MAGI2: variants seen among roughly 807,000 people sequenced by gnomAD.
The protein encoded by MAGI2 is membrane-associated guanylate kinase, WW and PDZ domain-containing protein 2.
A neutral mutation model predicts 133.3 loss-of-function variants in MAGI2; 35 were observed. The observed-to-expected ratio is 0.26, with a 90% CI of 0.20 to 0.35. The LOEUF (loss-of-function observed/expected upper bound fraction) is 0.35, where lower values mean the gene tolerates loss of function less well. Among genes scored for constraint, MAGI2 ranks in the 10% least tolerant of loss-of-function variants. The pLI is 1.00. For synonymous variants in MAGI2, 729 were observed against 710.6 expected (o/e 1.03, Z -0.41); for missense variants, 1,636 against 1,863.4 (o/e 0.88, Z 2.25).
chr7:78,059,854 C>A (rs1379490706), intron 21 of MAGI2, among the ~76,000 whole-genome samples: 1 of 151,144 alleles, frequency 6.6e-6, no homozygotes, highest in African/African-American at 2.4e-5. Context: ...TTGGTAGAGA[C>A]CCAGGAGACT....
chr7:79,050,641 C>T (rs1397543737), intron 1 of MAGI2, among the ~76,000 whole-genome samples: 1 of 152,136 alleles, frequency 6.6e-6, no homozygotes, highest in Admixed American at 6.5e-5. Flanking sequence ...CCTCAGCCTC[C>T]CAAAGTTTTG....
chr7:78,604,313 T>A (rs1276705629), intron 3 of MAGI2, among the ~76,000 whole-genome samples: 1 of 152,106 alleles, frequency 6.6e-6, no homozygotes, highest in Non-Finnish European at 1.5e-5. Context: ...AGTATGTTGA[T>A]GGGCAAGGAG....
chr7:78,854,698 T>C (rs2151487113), intron 2 of MAGI2, among the ~76,000 whole-genome samples: 1 of 152,134 alleles, frequency 6.6e-6, no homozygotes, highest in South Asian at 2.1e-4. Context: ...ACATCTGAAA[T>C]TTCCATTTTC....
At chr7:78,787,851 T>A in intron 2 of MAGI2, among the ~76,000 whole-genome samples, 1 of 152,246 alleles carries the variant, frequency 6.6e-6, no homozygotes, top group East Asian at 1.9e-4. Context: ...ATGATTTTGT[T>A]AATTTTTCAT....
chr7:79,330,648 T>A (rs1325501383), intron 1 of MAGI2, among the ~76,000 whole-genome samples: 1 of 151,760 alleles, frequency 6.6e-6, no homozygotes, highest in Non-Finnish European at 1.5e-5. Context: ...TACATTACAC[T>A]CTTTATTTAG....
chr7:78,167,482 T>G (rs1825727492), intron 15 of MAGI2, among the ~76,000 whole-genome samples: 1 of 152,196 alleles, frequency 6.6e-6, no homozygotes, highest in Admixed American at 6.5e-5. Flanking sequence ...ACAGCTTTAT[T>G]GTTACCTTTT....
intron 2 of MAGI2, among the ~76,000 whole-genome samples, chr7:78,769,406 C>T (rs1032398621): frequency 6.6e-6 from 1 of 152,030 alleles, no homozygotes; most frequent in Non-Finnish European, 1.5e-5. Context: ...TGTAATCTAC[C>T]CTTTTAAAAA....
intron 1 of MAGI2, among the ~76,000 whole-genome samples, chr7:79,159,550 A>C (rs13227086): frequency 6.6e-6 from 1 of 151,522 alleles, no homozygotes; most frequent in Non-Finnish European, 1.5e-5. Context: ...AGAAGAAATT[A>C]TAATAGCCTT....
At chr7:78,651,025 C>G (rs1408954131) in intron 2 of MAGI2, among the ~76,000 whole-genome samples, 2 of 152,124 alleles carry the variant, frequency 1.3e-5, no homozygotes, top group East Asian at 3.9e-4. Flanking sequence ...GACATGGTAA[C>G]TTCATCATTT....
chr7:78,861,440 A>C (rs1356119259), intron 2 of MAGI2, among the ~76,000 whole-genome samples: 1 of 152,158 alleles, frequency 6.6e-6, no homozygotes, highest in Admixed American at 6.5e-5. Flanking sequence ...ACCTCTTCTC[A>C]CTTACTCTTC....
chr7:78,229,897 C>T (rs919278816), intron 10 of MAGI2, among the ~76,000 whole-genome samples: 12 of 152,138 alleles, frequency 7.9e-5, no homozygotes, highest in Admixed American at 7.9e-4. Context: ...CCCAGCCATT[C>T]TTGGCCAAGA....
intron 9 of MAGI2, among the ~76,000 whole-genome samples, chr7:78,321,025 A>C (rs542643931): frequency 3.3e-5 from 5 of 152,196 alleles, no homozygotes; most frequent in African/African-American, 9.7e-5. Context: ...CACAATTGCT[A>C]CAAAGAGAAT....
chr7:78,497,750 ATCTATCTATCTATCTT>A lies in MAGI2; in HGVS notation c.965+3811_965+3826del, dbSNP rs1402393375. 2.3e-4 allele frequency among the ~76,000 whole-genome samples: 26 copies of A among 113,510 alleles called. No homozygotes were observed. The East Asian group carries it at 3.9e-3, about 17-fold the overall frequency. 74.5% of individuals were successfully genotyped at this position (113,510 alleles called of 152,430 possible). A position where few individuals can be genotyped will look rare whatever the true frequency, so the allele number is the denominator to read the frequency against. On this transcript the variant is annotated intron_variant, in intron 5 of 21. Coordinates refer to ENST00000354212, the MANE Select transcript of MAGI2 (RefSeq NM_012301.4). The stretch of plus-strand genomic sequence containing the variant: ...TATCTATCTATCTATCTATCTATCT[ATCTATCTATCTATCTT>A]TCTATCTTATACACAGAACCAAAGA...
chr7:79,223,874 G>T (rs1830643923), intron 1 of MAGI2, among the ~76,000 whole-genome samples: 1 of 151,908 alleles, frequency 6.6e-6, no homozygotes, highest in Admixed American at 6.6e-5. Context: ...GTTATTATTG[G>T]GCATCAGTGC....
chr7:79,230,242 C>A (rs1003009436), intron 1 of MAGI2, among the ~76,000 whole-genome samples: 4 of 149,928 alleles, frequency 2.7e-5, no homozygotes, highest in Non-Finnish European at 4.5e-5. Context: ...AATAATGCTG[C>A]AATAAACATA....
rs568096666 is a variant in MAGI2 at position 78,603,511 on chromosome 7, A to G, written c.538+23609T>C. On this transcript the variant is annotated intron_variant, in intron 3 of 21. Coordinates refer to ENST00000354212, the MANE Select transcript of MAGI2 (RefSeq NM_012301.4). Reference sequence around the variant, plus strand: ...TTTGAAGCTTTCTTGATCTAGGCATATTCTGGCAGATAATATTTCTATTTT... The same window carrying G: ...TTTGAAGCTTTCTTGATCTAGGCATGTTCTGGCAGATAATATTTCTATTTT... Among the ~76,000 whole-genome samples the G allele has an allele frequency of 3.9e-5, 6 of 152,288 alleles. No homozygotes were observed. In the South Asian group the frequency reaches 1.2e-3, roughly 32 times the overall value.
At chr7:78,787,234 T>G (rs561575423) in intron 2 of MAGI2, among the ~76,000 whole-genome samples, 20 of 152,194 alleles carry the variant, frequency 1.3e-4, no homozygotes, top group Middle Eastern at 3.4e-3. Flanking sequence ...GCGTGAGCCA[T>G]TGCGCCTGGC....
intron 9 of MAGI2, among the ~76,000 whole-genome samples, chr7:78,287,547 C>T (rs1180508561): frequency 6.6e-6 from 1 of 152,098 alleles, no homozygotes; most frequent in African/African-American, 2.4e-5. Flanking sequence ...GTAGTTAAAA[C>T]ACAAATAAGT....
chr7:78,687,694 C>T (rs1034510225), intron 2 of MAGI2, among the ~76,000 whole-genome samples: 5 of 151,870 alleles, frequency 3.3e-5, no homozygotes, highest in East Asian at 1.9e-4. Flanking sequence ...ATAGACTGGG[C>T]GCGGTGGCTC....
Sources: allele counts gnomAD v4.1 joint callset (sites outside exome capture counted in the v4.1 genomes callset), GRCh38; gene constraint gnomAD v4.1.1; transcripts MANE v1.5; gene names NCBI Gene and HGNC (gene_info 2026-07-23, HGNC 2026-07-21).